Variants in PRORP observed in about 807,000 individuals in gnomAD.
The protein encoded by PRORP is protein only RNase P catalytic subunit.
In PRORP, 51 loss-of-function variants were observed where a neutral mutation model predicts 59.4. The observed-to-expected ratio is 0.86, with a 90% CI of 0.69 to 1.08. The LOEUF is 1.08. Among genes scored for constraint, PRORP ranks in the 50% least tolerant of loss-of-function variants. PRORP has a pLI of 0.00. For missense variants in PRORP, 646 were observed against 690.3 expected, an observed-to-expected ratio of 0.94 and a Z score of 0.72; for synonymous variants, 231 against 245.6, an observed-to-expected ratio of 0.94 and a Z score of 0.55.
intron 5 of PRORP, among the ~76,000 whole-genome samples, chr14:35,202,439 T>C (rs987741907): frequency 1.3e-5 from 2 of 152,116 alleles, no homozygotes; most frequent in Admixed American, 6.6e-5. Context: ...GGGTTAATCT[T>C]ATTTGTGGGT....
At chr14:35,229,836 G>A (rs2050027948) in intron 5 of PRORP, among the ~76,000 whole-genome samples, 1 of 151,924 alleles carries the variant, frequency 6.6e-6, no homozygotes, top group African/African-American at 2.4e-5. Context: ...TATCACTCAT[G>A]ATGTTTCCAT....
intron 4 of PRORP, among the ~76,000 whole-genome samples, chr14:35,161,886 G>A (rs1296403580): frequency 6.6e-6 from 1 of 152,054 alleles, no homozygotes; most frequent in African/African-American, 2.4e-5. Context: ...TTAATACTTG[G>A]AAATGATACC....
At chr14:35,235,473 C>CA in intron 5 of PRORP, 1 of 637,936 alleles carries the variant, frequency 1.6e-6, no homozygotes, top group Non-Finnish European at 2.9e-6. Context: ...AGCAGGAAGA[C>CA]AACTAGCTTG....
chr14:35,179,848 T>C (rs1290228993), intron 4 of PRORP, among the ~76,000 whole-genome samples: 1 of 152,194 alleles, frequency 6.6e-6, no homozygotes, highest in Non-Finnish European at 1.5e-5. Context: ...CTCTGTTTTT[T>C]CCCCATCTTT....
intron 5 of PRORP, among the ~76,000 whole-genome samples, chr14:35,207,487 C>CAT (rs2049323998): frequency 1.3e-5 from 2 of 152,300 alleles, no homozygotes; most frequent in East Asian, 3.9e-4. Context: ...TGTAACAGGT[C>CAT]TTCTAACCCT....
chr14:35,261,761 C>T (rs1450794712), intron 5 of PRORP, among the ~76,000 whole-genome samples: 1 of 152,066 alleles, frequency 6.6e-6, no homozygotes, highest in Non-Finnish European at 1.5e-5. Context: ...TCCAAGTATA[C>T]CTATGACACT....
intron 4 of PRORP, among the ~76,000 whole-genome samples, chr14:35,131,908 T>C (rs1213538623): frequency 5.3e-5 from 8 of 150,466 alleles, no homozygotes; most frequent in East Asian, 4.0e-4. Context: ...GGTGCTATTT[T>C]GGCTCACTGC....
intron 5 of PRORP, among the ~76,000 whole-genome samples, chr14:35,192,883 A>G (rs2048917511): frequency 1.3e-5 from 2 of 151,976 alleles, no homozygotes; most frequent in South Asian, 4.2e-4. Flanking sequence ...AATCCCAGCT[A>G]CTAGGGAGAC....
chr14:35,251,153 A>G (rs1236317396), intron 5 of PRORP, among the ~76,000 whole-genome samples: 1 of 152,208 alleles, frequency 6.6e-6, no homozygotes, highest in Non-Finnish European at 1.5e-5. Context: ...CTTCACTTAG[A>G]ATAATAGTTT....
chr14:35,136,627 G>A (rs954831090), intron 4 of PRORP, among the ~76,000 whole-genome samples: 1 of 145,102 alleles, frequency 6.9e-6, no homozygotes, highest in Non-Finnish European at 1.5e-5. Flanking sequence ...CACCCACCTC[G>A]GCCTCCCAAA....
chr14:35,220,049 G>A (rs2138437610), intron 5 of PRORP, among the ~76,000 whole-genome samples: 1 of 152,192 alleles, frequency 6.6e-6, no homozygotes, highest in African/African-American at 2.4e-5. Context: ...TAGTCTAGGA[G>A]GATCTCATCT....
At chr14:35,192,118 T>G (rs2048898609) in intron 5 of PRORP, among the ~76,000 whole-genome samples, 1 of 152,190 alleles carries the variant, frequency 6.6e-6, no homozygotes, top group South Asian at 2.1e-4. Context: ...CATTATCTGG[T>G]CTTTGCCTCT....
At chr14:35,193,683 C>T (rs140556493) in intron 5 of PRORP, among the ~76,000 whole-genome samples, 88 of 150,676 alleles carry the variant, frequency 5.8e-4, no homozygotes, top group African/African-American at 2.0e-3. Context: ...TTTCTCGATC[C>T]CCATGCTTGA....
chr14:35,198,384 G>C (rs539321863), intron 5 of PRORP, among the ~76,000 whole-genome samples: 1 of 152,312 alleles, frequency 6.6e-6, no homozygotes, highest in South Asian at 2.1e-4. Context: ...CAGTAAAGGA[G>C]TCAGGAGAAC....
At chr14:35,208,715 C>G (rs183679637) in intron 5 of PRORP, among the ~76,000 whole-genome samples, 14 of 147,274 alleles carry the variant, frequency 9.5e-5, no homozygotes, top group African/African-American at 3.5e-4. Flanking sequence ...ACTAAAAATA[C>G]AAAAATTAGG....
Position 35,274,678 on chromosome 14 carries a change from T to C in PRORP, c.*1112T>C, listed in dbSNP as rs2051273069. On this transcript the variant is annotated 3_prime_UTR_variant, in exon 8 of 8. Coordinates refer to ENST00000534898, the MANE Select transcript of PRORP (RefSeq NM_014672.4). The stretch of plus-strand genomic sequence containing the variant: ...AAAACAAAGTGCTGGAATTGCAGAC[T>C]TGAGCCACAGTGCCCAGCCTCACTT... 6.6e-6 allele frequency: 1 copy of C among 152,176 alleles called. No homozygotes were observed. Among genetic ancestry groups the C allele is most frequent in the Non-Finnish European group, 1.5e-5 (1 of 68,050 alleles). 9.4% of individuals were successfully genotyped at this position (152,176 alleles called of 1,614,324 possible). A position where few individuals can be genotyped will look rare whatever the true frequency, so the allele number is the denominator to read the frequency against.
At chr14:35,243,343 G>T (rs1184673958) in intron 5 of PRORP, among the ~76,000 whole-genome samples, 1 of 152,026 alleles carries the variant, frequency 6.6e-6, no homozygotes, top group Non-Finnish European at 1.5e-5. Context: ...ACCAGCCTAT[G>T]AGCAACATAG....
rs1288322850 is a variant in PRORP, at chr14:35,170,133, C to T, written c.1168-10537C>T. Reference sequence around the variant, plus strand: ...GTGTCACCATTCCAAGTTTCTTAAGCTTATTGATGCATGATACATATTTTT... The same window carrying T: ...GTGTCACCATTCCAAGTTTCTTAAGTTTATTGATGCATGATACATATTTTT... On this transcript the variant is annotated intron_variant, in intron 4 of 7. Transcript: ENST00000534898. Among the ~76,000 whole-genome samples the T allele has an allele frequency of 2.6e-5, 4 of 152,126 alleles. No individual in the cohort carries two copies. In the East Asian group the frequency reaches 7.7e-4, roughly 29 times the overall value.
chr14:35,154,920 G>C (rs933951058), intron 4 of PRORP, among the ~76,000 whole-genome samples: 1 of 151,548 alleles, frequency 6.6e-6, no homozygotes, highest in Non-Finnish European at 1.5e-5. Flanking sequence ...TTTGAGGCAG[G>C]GTCTCAATCT....
Sources: allele counts gnomAD v4.1 joint callset (sites outside exome capture counted in the v4.1 genomes callset), GRCh38; gene constraint gnomAD v4.1.1; transcripts MANE v1.5; gene names NCBI Gene and HGNC (gene_info 2026-07-23, HGNC 2026-07-21).